SNX31: variants seen among roughly 807,000 people sequenced by gnomAD.
The protein encoded by SNX31 is sorting nexin-31.
In SNX31, 58 loss-of-function variants were observed where a neutral mutation model predicts 65.4. The observed-to-expected ratio is 0.89, with a 90% confidence interval of 0.72 to 1.10. The LOEUF (loss-of-function observed/expected upper bound fraction) is 1.10, where lower values mean the gene tolerates loss of function less well. Ranked by LOEUF, SNX31 falls within the 50% of genes least tolerant of loss-of-function variation. The probability of loss-of-function intolerance (pLI) is 0.00; values close to 1 mark genes in which losing one functional copy is unlikely to be tolerated. For synonymous variants in SNX31, 181 were observed against 190.1 expected, an observed-to-expected ratio of 0.95 and a Z score of 0.39; for missense variants, 523 against 529.7, an observed-to-expected ratio of 0.99 and a Z score of 0.12.
chr8:100,649,398 C>A (rs1174351431), intron 1 of SNX31, 50 bp from the exon 2 acceptor site: 8 of 1,608,338 alleles, frequency 5.0e-6, no homozygotes, highest in Non-Finnish European at 6.8e-6. Flanking sequence ...GATAAGTGAG[C>A]ATTGCCACCG....
intron 7 of SNX31, among the ~76,000 whole-genome samples, chr8:100,611,632 T>A (rs1446618745): frequency 6.6e-6 from 1 of 152,194 alleles, no homozygotes; most frequent in East Asian, 1.9e-4. Context: ...CTTGGCTCAC[T>A]GCAGCCTCGA....
rs995374208 is a variant in SNX31 at position 100,572,924 on chromosome 8, G to C, written c.*941C>G. 1 of 151,892 alleles carries C rather than the reference G, an allele frequency of 6.6e-6. No homozygotes were observed. Among genetic ancestry groups the C allele is most frequent in the Non-Finnish European group, 1.5e-5 (1 of 67,940 alleles). 9.4% of individuals were successfully genotyped at this position (151,892 alleles called of 1,614,324 possible). On this transcript the variant is annotated 3_prime_UTR_variant, in exon 14 of 14. Transcript: ENST00000311812. ...TTATTTTGTATTTATTATATAATTAGGTATACAACCCAGTTAGAACATTAG... is the reference window on the plus strand; with the variant it reads ...TTATTTTGTATTTATTATATAATTACGTATACAACCCAGTTAGAACATTAG...
chr8:100,630,179 C>T lies in SNX31; in HGVS notation c.321+148G>A. 3.1e-6 allele frequency: 2 copies of T among 653,148 alleles called. No homozygotes were observed. The highest frequency in any genetic ancestry group is 5.1e-6 in the Non-Finnish European group (2 of 390,284). 40.5% of individuals were successfully genotyped at this position (653,148 alleles called of 1,614,324 possible). On this transcript the variant is annotated intron_variant, in intron 4 of 13. Transcript: ENST00000311812. This position sits in a 1 kb window ranked among gnomAD's most constrained non-coding sequence, Gnocchi z 5.3. ...AAAAGAACAAAATAGGAACCATCCC[C>T]CAATTGACTTGAAATGAATATATTT...
intron 2 of SNX31, among the ~76,000 whole-genome samples, chr8:100,638,685 C>T (rs1818945166): frequency 1.3e-5 from 2 of 152,216 alleles, no homozygotes; most frequent in Non-Finnish European, 2.9e-5. Flanking sequence ...TCTTACAAAG[C>T]TAAACATAGT....
Position 100,635,888 on chromosome 8 carries a change from A to G in SNX31, c.256+9T>C. On this transcript the variant is annotated intron_variant, in intron 3 of 13. Transcript: ENST00000311812. Reference sequence around the variant, plus strand: ...AATCTGTTTTTTAAAAAACCCTGCAAATACATACCATTTTGCAAATATTGT... The same window carrying G: ...AATCTGTTTTTTAAAAAACCCTGCAGATACATACCATTTTGCAAATATTGT... The G allele has an allele frequency of 6.3e-7, 1 of 1,599,702 alleles. No homozygotes were observed. Among genetic ancestry groups the G allele is most frequent in the Non-Finnish European group, 8.6e-7 (1 of 1,167,254 alleles).
chr8:100,596,998 A>G (rs1287595875), intron 9 of SNX31, among the ~76,000 whole-genome samples, 156 bp from the exon 10 acceptor site: 14 of 152,184 alleles, frequency 9.2e-5, no homozygotes, highest in Non-Finnish European at 1.5e-4. Flanking sequence ...TCCTACACAT[A>G]GAGATAATGC....
intron 2 of SNX31, among the ~76,000 whole-genome samples, chr8:100,643,929 G>A (rs1322873080): frequency 1.3e-5 from 2 of 152,206 alleles, no homozygotes; most frequent in African/African-American, 4.8e-5. Flanking sequence ...ACAGCAATCA[G>A]AGAAAGGCAT....
At chr8:100,639,447 A>G (rs1200333650) in intron 2 of SNX31, among the ~76,000 whole-genome samples, 3 of 152,230 alleles carry the variant, frequency 2.0e-5, no homozygotes, top group African/African-American at 7.2e-5. Flanking sequence ...GGTTAACAGC[A>G]CTATACTGCC....
chr8:100,581,350 T>TATATATAG (rs1813534062), intron 12 of SNX31, among the ~76,000 whole-genome samples: 1 of 147,390 alleles, frequency 6.8e-6, no homozygotes, highest in Non-Finnish European at 1.5e-5. Context: ...TATATATATA[T>TATATATAG]ATATATAATT....
rs1816838813 is a variant in SNX31, at chr8:100,612,897, C to CAGTG, written c.523+94_523+97dup. The CAGTG allele has an allele frequency of 5.1e-6, 5 of 978,800 alleles. 1 individual carries two copies. The highest frequency in any genetic ancestry group is 8.3e-6 in the Non-Finnish European group (5 of 605,800). The allele number at this position is 978,800 out of a possible 1,614,324, so 60.6% of individuals were successfully genotyped here. A position where few individuals can be genotyped will look rare whatever the true frequency, so the allele number is the denominator to read the frequency against. On this transcript the variant is annotated intron_variant, in intron 6 of 13. Coordinates refer to ENST00000311812, the MANE Select transcript of SNX31 (RefSeq NM_152628.4). This position sits in a 1 kb window ranked among gnomAD's most constrained non-coding sequence, Gnocchi z 4.3. ...GAGAACAGTGGTAGGGATCACAGCC[C>CAGTG]AGTGGGTGGCCAGCCCCTCAGCTGT...
At position 100,588,867 on chromosome 8, in the gene SNX31, T is replaced by C. The variant is rs1268580027; in HGVS notation, c.1091A>G (p.Gln364Arg). ...TCAAGGTCTGCCCTGAGAACTCACC[T>C]GTTTGGTGTAAATAACAAACCACTG... ...CWQWFVIYTKQAFLLSSCLKK... is the reference protein window; with the variant it reads ...CWQWFVIYTKRAFLLSSCLKK... The change falls in exon 11 of 14, where the codon CAG becomes CGG. Residue 364 changes from glutamine to arginine, a missense_variant and splice_region_variant. Physicochemically the swap from Gln to Arg is conservative, Grantham distance 43. Transcript: ENST00000311812. This position sits in a 1 kb window ranked among gnomAD's most constrained non-coding sequence, Gnocchi z 4.8. 1 of 1,609,458 alleles carries C rather than the reference T, an allele frequency of 6.2e-7. No individual in the cohort carries two copies. The highest frequency in any genetic ancestry group is 1.1e-5 in the South Asian group (1 of 90,956).
intron 8 of SNX31, among the ~76,000 whole-genome samples, chr8:100,608,035 G>T (rs1374778559): frequency 6.6e-6 from 1 of 152,182 alleles, no homozygotes; most frequent in Non-Finnish European, 1.5e-5. Flanking sequence ...AGTTATCAGG[G>T]ATATCCTTTC....
At chr8:100,645,277 A>G (rs1245491808) in intron 2 of SNX31, among the ~76,000 whole-genome samples, 2 of 152,192 alleles carry the variant, frequency 1.3e-5, no homozygotes, top group Non-Finnish European at 2.9e-5. Flanking sequence ...TTCCCCAAAC[A>G]CACACACAGA....
intron 1 of SNX31, among the ~76,000 whole-genome samples, chr8:100,661,074 C>T (rs1306791536): frequency 1.4e-5 from 2 of 148,140 alleles, no homozygotes; most frequent in Non-Finnish European, 3.0e-5. Flanking sequence ...GGCGTGATCT[C>T]GGCTCACTGC....
upstream of SNX31, among the ~76,000 whole-genome samples, chr8:100,650,038 G>GT (rs1244894911): frequency 1.4e-5 from 2 of 146,220 alleles, no homozygotes; most frequent in Non-Finnish European, 3.0e-5. Context: ...TTTCAATCTT[G>GT]TTTTTTCCCC....
chr8:100,607,573 G>A (rs1318546152), intron 8 of SNX31, among the ~76,000 whole-genome samples: 1 of 152,174 alleles, frequency 6.6e-6, no homozygotes, highest in Non-Finnish European at 1.5e-5. Flanking sequence ...AAAATAGAAT[G>A]AAGAAGACCT....
chr8:100,573,979 G>C lies in SNX31; in HGVS notation c.1228-19C>G, dbSNP rs775184373. ...CTTTCTGCTGTGAAGTAAACAGAGA[G>C]GTCAGAAATGTAAATGAAAGGAAAT... On this transcript the variant is annotated intron_variant, in intron 13 of 13. Coordinates refer to ENST00000311812, the MANE Select transcript of SNX31 (RefSeq NM_152628.4). 106 of 1,350,642 alleles carry C rather than the reference G, an allele frequency of 7.8e-5. No individual in the cohort carries two copies. The highest frequency in any genetic ancestry group is 1.0e-4 in the Non-Finnish European group (100 of 983,278). The allele number at this position is 1,350,642 out of a possible 1,614,324, so 83.7% of individuals were successfully genotyped here.
rs568214760 is a variant in SNX31, at chr8:100,594,357, G to A, written c.978+2282C>T. ...AAACAACAACAACAACAACAAAACCGAAACTATAGAGTAAGAGAAAATATT... is the reference window on the plus strand; with the variant it reads ...AAACAACAACAACAACAACAAAACCAAAACTATAGAGTAAGAGAAAATATT... On this transcript the variant is annotated intron_variant, in intron 10 of 13. Transcript: ENST00000311812. This position sits in a 1 kb window ranked among gnomAD's most constrained non-coding sequence, Gnocchi z 4.0. Among the ~76,000 whole-genome samples, 8 of 151,954 alleles carry A rather than the reference G, an allele frequency of 5.3e-5. No homozygotes were observed. The highest frequency in any genetic ancestry group is 3.9e-4 in the East Asian group (2 of 5,170).
intron 4 of SNX31, chr8:100,618,089 A>T (rs1452332557): frequency 6.1e-6 from 6 of 985,220 alleles, no homozygotes; most frequent in Non-Finnish European, 7.2e-6. Context: ...TTAAAGCTGC[A>T]CCATTGCAGC....
Sources: allele counts gnomAD v4.1 joint callset (sites outside exome capture counted in the v4.1 genomes callset), GRCh38; gene constraint gnomAD v4.1.1; non-coding constraint Gnocchi (gnomAD v3.1); transcripts MANE v1.5; gene names NCBI Gene and HGNC (gene_info 2026-07-23, HGNC 2026-07-21).